Variants in DLGAP1 observed in about 807,000 individuals in gnomAD.
DLGAP1 encodes the protein DLG associated protein 1, also known as disks large-associated protein 1.
Under a neutral mutation model 90.8 loss-of-function variants are expected in DLGAP1, and 11 were observed. The observed-to-expected ratio is 0.12, with a 90% CI of 0.08 to 0.20. DLGAP1 has a LOEUF of 0.20. Among genes scored for constraint, DLGAP1 ranks in the 10% least tolerant of loss-of-function variants. The pLI is 1.00. For missense variants in DLGAP1, 1,050 were observed against 1,333.8 expected, an observed-to-expected ratio of 0.79 and a Z score of 3.31; for synonymous variants, 558 against 540.7, an observed-to-expected ratio of 1.03 and a Z score of -0.44.
intron 7 of DLGAP1, among the ~76,000 whole-genome samples, chr18:3,687,770 CCAGG>C (rs1349242557): frequency 1.6e-4 from 24 of 152,008 alleles, no homozygotes; most frequent in Non-Finnish European, 2.6e-4. Flanking sequence ...AAATTTTATA[CCAGG>C]AAGTGCAGTA....
chr18:3,785,359 G>A (rs775591117), intron 5 of DLGAP1, among the ~76,000 whole-genome samples: 3 of 152,214 alleles, frequency 2.0e-5, no homozygotes, highest in Admixed American at 6.5e-5. Flanking sequence ...CATCCCCTTC[G>A]CCCTCTGAAG....
chr18:4,281,248 T>C (rs1325826367), intron 1 of DLGAP1, among the ~76,000 whole-genome samples: 1 of 152,170 alleles, frequency 6.6e-6, no homozygotes. Context: ...GTTGTTTGTT[T>C]TCAAGTTTCT....
At chr18:3,646,590 C>T (rs1486553203) in intron 7 of DLGAP1, among the ~76,000 whole-genome samples, 2 of 152,062 alleles carry the variant, frequency 1.3e-5, no homozygotes, top group Admixed American at 6.6e-5. Flanking sequence ...TAGTAAAAAA[C>T]AAATTCATGT....
intron 3 of DLGAP1, among the ~76,000 whole-genome samples, chr18:3,955,477 C>T (rs963506689): frequency 1.2e-4 from 19 of 152,054 alleles, no homozygotes; most frequent in East Asian, 1.9e-4. Context: ...TTTGGGAGGC[C>T]GAGGCGGGTA....
In DLGAP1 at chr18:4,131,265, G is replaced by C. The variant is rs1471860252; in HGVS notation, c.-159+19915C>G. Among the ~76,000 whole-genome samples the C allele has an allele frequency of 1.4e-4, 21 of 152,126 alleles. 1 individual carries two copies. The East Asian group carries it at 4.0e-3, about 29-fold the overall frequency. On this transcript the variant is annotated intron_variant, in intron 2 of 12. Transcript: ENST00000315677. Reference sequence around the variant, plus strand: ...AAGAACAGTTAATTACTAAACATTAGAAGAAAGTCAAACCATGTGTGGGCT... The same window carrying C: ...AAGAACAGTTAATTACTAAACATTACAAGAAAGTCAAACCATGTGTGGGCT...
intron 1 of DLGAP1, among the ~76,000 whole-genome samples, chr18:4,276,731 C>T (rs1204520879): frequency 6.6e-6 from 1 of 151,776 alleles, no homozygotes; most frequent in Admixed American, 6.6e-5. Flanking sequence ...AGGTAATTTT[C>T]AAAGTCTATT....
At chr18:3,528,651 G>A (rs150353210) in intron 10 of DLGAP1, among the ~76,000 whole-genome samples, 94 of 152,350 alleles carry the variant, frequency 6.2e-4, no homozygotes, top group Middle Eastern at 6.8e-3. Context: ...CAGGGGTATT[G>A]TGAGGGCAAG....
In DLGAP1 at chr18:3,498,835, CT is replaced by C; in HGVS notation, c.*349del. 1 of 294,208 alleles carries C rather than the reference CT, an allele frequency of 3.4e-6. No homozygotes were observed. Among genetic ancestry groups the C allele is most frequent in the Non-Finnish European group, 6.2e-6 (1 of 160,278 alleles). The allele number at this position is 294,208 out of a possible 1,614,324, so 18.2% of individuals were successfully genotyped here. A position where few individuals can be genotyped will look rare whatever the true frequency, so the allele number is the denominator to read the frequency against. ...CTATGGTTTTATATTGCTGAACAGA[CT>C]AGCTCGAGAGAACTGAGGACGGCGG... On this transcript the variant is annotated 3_prime_UTR_variant, in exon 13 of 13. Transcript: ENST00000315677.
intron 7 of DLGAP1, among the ~76,000 whole-genome samples, chr18:3,618,248 G>A (rs972514677): frequency 6.6e-6 from 1 of 152,170 alleles, no homozygotes; most frequent in African/African-American, 2.4e-5. Context: ...CGCAGAGTCC[G>A]GCCTTTAAGG....
chr18:3,917,906 G>T (rs2072182844), intron 3 of DLGAP1, among the ~76,000 whole-genome samples: 1 of 152,122 alleles, frequency 6.6e-6, no homozygotes, highest in African/African-American at 2.4e-5. Flanking sequence ...GATATGAAAG[G>T]GTAGTGGTGG....
chr18:4,419,981 T>G (rs1432515468), intron 1 of DLGAP1, among the ~76,000 whole-genome samples: 1 of 151,948 alleles, frequency 6.6e-6, no homozygotes, highest in African/African-American at 2.4e-5. Context: ...TACAGACAGC[T>G]TAAAAATAAG....
At chr18:3,917,442 A>G (rs79013639) in intron 3 of DLGAP1, among the ~76,000 whole-genome samples, 1 of 152,278 alleles carries the variant, frequency 6.6e-6, no homozygotes, top group East Asian at 1.9e-4. Flanking sequence ...GCCAATATCC[A>G]TTTCTCAGTC....
At chr18:3,592,843 C>CAAAAAAAAAAAAAAAAA (rs56871583) in intron 7 of DLGAP1, among the ~76,000 whole-genome samples, 1 of 42,582 alleles carries the variant, frequency 2.3e-5, no homozygotes, top group Non-Finnish European at 4.9e-5. Flanking sequence ...GACCCTGCCT[C>CAAAAAAAAAAAAAAAAA]AAAAAAAAAA....
chr18:3,825,758 C>T (rs1025873937), intron 4 of DLGAP1, among the ~76,000 whole-genome samples: 2 of 152,036 alleles, frequency 1.3e-5, no homozygotes, highest in African/African-American at 2.4e-5. Flanking sequence ...ACCATTTGAC[C>T]CAGCAATCAT....
At chr18:3,768,336 G>T (rs1384768263) in intron 5 of DLGAP1, among the ~76,000 whole-genome samples, 1 of 152,242 alleles carries the variant, frequency 6.6e-6, no homozygotes, top group Admixed American at 6.5e-5. Flanking sequence ...GCATGTTTAT[G>T]AGTTGAAATA....
At chr18:3,550,850 T>C (rs1028328420) in intron 9 of DLGAP1, among the ~76,000 whole-genome samples, 1 of 148,434 alleles carries the variant, frequency 6.7e-6, no homozygotes, top group Admixed American at 6.8e-5. Flanking sequence ...CAAGTGATTC[T>C]ACTGCCTCAG....
At chr18:3,590,961 C>T (rs933587706) in intron 7 of DLGAP1, among the ~76,000 whole-genome samples, 1 of 151,616 alleles carries the variant, frequency 6.6e-6, no homozygotes, top group African/African-American at 2.4e-5. Context: ...AATCTAAAAA[C>T]AAAACAAAAC....
chr18:3,979,688 A>G (rs1205153868), intron 3 of DLGAP1, among the ~76,000 whole-genome samples: 1 of 152,200 alleles, frequency 6.6e-6, no homozygotes, highest in Non-Finnish European at 1.5e-5. Flanking sequence ...CAATATTGCT[A>G]AAATACATTT....
intron 7 of DLGAP1, among the ~76,000 whole-genome samples, chr18:3,695,006 C>G (rs1255065280): frequency 1.4e-5 from 2 of 147,814 alleles, no homozygotes; most frequent in Non-Finnish European, 1.5e-5. Flanking sequence ...GTGGCGTGCT[C>G]TTGGCTCACT....
Sources: gnomAD v4.1 joint callset for allele counts (sites outside exome capture counted in the v4.1 genomes callset) on GRCh38, gnomAD v4.1.1 for gene constraint, MANE v1.5 for transcripts, NCBI Gene and HGNC (gene_info 2026-07-23, HGNC 2026-07-21) for gene names.